Variants in ANKRD30B observed in about 807,000 individuals in gnomAD.
The protein encoded by ANKRD30B is ankyrin repeat domain 30B.
Under a neutral mutation model 202.2 loss-of-function variants are expected in ANKRD30B, and 144 were observed. The observed-to-expected ratio is 0.71, with a 90% CI of 0.62 to 0.82. The LOEUF (loss-of-function observed/expected upper bound fraction) is 0.82. ANKRD30B is among the 40% of genes least tolerant of loss of function. ANKRD30B has a pLI of 0.00. For missense variants in ANKRD30B, 1,487 were observed against 1,669.1 expected (o/e 0.89, Z 1.90); for synonymous variants, 508 against 561.3 (o/e 0.91, Z 1.34).
the ANKRD30B span, among the ~76,000 whole-genome samples, chr18:14,863,560 A>C: frequency 1.3e-5 from 2 of 152,162 alleles, no homozygotes; most frequent in African/African-American, 2.4e-5. Flanking sequence ...TTTCTCTATA[A>C]ATTTAAAAAA....
At chr18:14,785,894 C>T (rs551833542) in intron 14 of ANKRD30B, among the ~76,000 whole-genome samples, 19 of 151,750 alleles carry the variant, frequency 1.3e-4, no homozygotes, top group African/African-American at 3.6e-4. Context: ...AAAAATTAGC[C>T]GGGTGCGGTG....
At chr18:14,883,136 C>T in the ANKRD30B span, among the ~76,000 whole-genome samples, 1 of 151,954 alleles carries the variant, frequency 6.6e-6, no homozygotes, top group Non-Finnish European at 1.5e-5. Context: ...AAAGAAGAGA[C>T]AAAGATGAAG....
the ANKRD30B span, among the ~76,000 whole-genome samples, chr18:14,889,056 T>A: frequency 6.6e-6 from 1 of 151,552 alleles, no homozygotes. Context: ...TTGTTAGCTA[T>A]ACTTATGTAG....
chr18:14,848,464 T>A (rs572041045), intron 39 of ANKRD30B, among the ~76,000 whole-genome samples: 90 of 152,248 alleles, frequency 5.9e-4, no homozygotes, highest in African/African-American at 2.1e-3. Context: ...TAGCAATCTA[T>A]TTTCTTACAG....
At chr18:14,916,488 TCCAGCTGGAA>T in the ANKRD30B span, among the ~76,000 whole-genome samples, 6 of 56,448 alleles carry the variant, frequency 1.1e-4, no homozygotes, top group Admixed American at 2.6e-4. Context: ...GGGAGATGCC[TCCAGCTGGAA>T]GAAGAGCAGA....
At chr18:14,916,576 G>A in the ANKRD30B span, among the ~76,000 whole-genome samples, 1 of 152,172 alleles carries the variant, frequency 6.6e-6, no homozygotes, top group Admixed American at 6.5e-5. Flanking sequence ...ACACTGGGAA[G>A]CAGAAAATGA....
chr18:14,824,241 T>C (rs1296592011), intron 32 of ANKRD30B, among the ~76,000 whole-genome samples: 1 of 152,188 alleles, frequency 6.6e-6, no homozygotes, highest in African/African-American at 2.4e-5. Context: ...CCACTGAAAG[T>C]CAACATCAAA....
At chr18:14,935,956 C>G in the ANKRD30B span, among the ~76,000 whole-genome samples, 1 of 152,212 alleles carries the variant, frequency 6.6e-6, no homozygotes, top group African/African-American at 2.4e-5. Context: ...AAGGAGTGAA[C>G]TCTTGAAAAT....
chr18:14,886,951 C>T, the ANKRD30B span, among the ~76,000 whole-genome samples: 5 of 152,238 alleles, frequency 3.3e-5, no homozygotes, highest in South Asian at 8.3e-4. Flanking sequence ...TCGTATAGGT[C>T]AACCACAGGA....
the ANKRD30B span, among the ~76,000 whole-genome samples, chr18:14,869,862 TCTCA>T: frequency 1.3e-5 from 2 of 151,996 alleles, no homozygotes; most frequent in Non-Finnish European, 2.9e-5. Flanking sequence ...AGAGGTGGGG[TCTCA>T]CTCTGTCGCC....
chr18:14,879,053 G>T, the ANKRD30B span, among the ~76,000 whole-genome samples: 1 of 152,114 alleles, frequency 6.6e-6, no homozygotes, highest in Non-Finnish European at 1.5e-5. Context: ...GTGCAGCTGC[G>T]TTCTGCTCAG....
intron 6 of ANKRD30B, among the ~76,000 whole-genome samples, chr18:14,763,089 TTTC>T (rs1423652514): frequency 1.3e-5 from 2 of 152,128 alleles, no homozygotes; most frequent in African/African-American, 2.4e-5. Context: ...ACTAAGCATT[TTTC>T]TTATTATTAT....
downstream of ANKRD30B, among the ~76,000 whole-genome samples, chr18:14,858,723 C>T (rs1274705945): frequency 5.4e-3 from 741 of 136,898 alleles, 2 homozygotes; most frequent in Admixed American, 0.025. Context: ...ACCTCCCAGA[C>T]GGGGCGGCTG....
chr18:14,834,110 C>T (rs577566694), intron 34 of ANKRD30B, among the ~76,000 whole-genome samples: 1 of 152,076 alleles, frequency 6.6e-6, no homozygotes, highest in Non-Finnish European at 1.5e-5. Flanking sequence ...TAGAAACAAC[C>T]TATACCATTT....
At chr18:14,769,001 TTAA>T (rs1916686757) in intron 7 of ANKRD30B, among the ~76,000 whole-genome samples, 1 of 152,218 alleles carries the variant, frequency 6.6e-6, no homozygotes, top group South Asian at 2.1e-4. Flanking sequence ...AAGAGTATAC[TTAA>T]TAATAATTTT....
the ANKRD30B span, among the ~76,000 whole-genome samples, chr18:14,918,373 C>T: frequency 6.6e-6 from 1 of 152,126 alleles, no homozygotes; most frequent in Non-Finnish European, 1.5e-5. Flanking sequence ...CTTTACTCTG[C>T]CAGAAATATT....
chr18:14,848,739 T>C lies in ANKRD30B; in HGVS notation c.3205T>C (p.Leu1069=), dbSNP rs750611746. 7 of 1,552,824 alleles carry C rather than the reference T, an allele frequency of 4.5e-6. No homozygotes were observed. The highest frequency in any genetic ancestry group is 1.7e-4 in the Middle Eastern group (1 of 5,886). ...AGATTCAACTACCCTATCAAAAATC[T>C]TGGATGCACTTCCTTCTTGTGAAAG... The part of the protein sequence containing the change: ...RADSTTLSKI[L]DALPSCERGR... The change falls in exon 40 of 44, where the codon TTG becomes CTG. Residue 1069 remains leucine (L), a synonymous_variant. Coordinates refer to ENST00000690538, the MANE Select transcript of ANKRD30B (RefSeq NM_001367607.2).
In ANKRD30B at chr18:14,828,017, A is replaced by G. The variant is rs183019327; in HGVS notation, c.2744-261A>G. Among the ~76,000 whole-genome samples, 603 of 152,316 alleles carry G rather than the reference A, an allele frequency of 4.0e-3. 5 individuals are homozygous for G. The highest frequency in any genetic ancestry group is 0.014 in the Middle Eastern group (4 of 294). ...CAAATCATCTGAGTCTTTGTAACAA[A>G]GTGTCAGAGTATTATGCTTTTTAAA... On this transcript the variant is annotated intron_variant, in intron 32 of 43. Coordinates refer to ENST00000690538, the MANE Select transcript of ANKRD30B (RefSeq NM_001367607.2).
At chr18:14,921,800 C>T in the ANKRD30B span, among the ~76,000 whole-genome samples, 1 of 152,108 alleles carries the variant, frequency 6.6e-6, no homozygotes, top group Non-Finnish European at 1.5e-5. Flanking sequence ...CTGCCTATTT[C>T]TCACCACGTG....
Sources: gnomAD v4.1 joint callset for allele counts (sites outside exome capture counted in the v4.1 genomes callset) on GRCh38, gnomAD v4.1.1 for gene constraint, MANE v1.5 for transcripts, NCBI Gene and HGNC (gene_info 2026-07-23, HGNC 2026-07-21) for gene names.